Variants in DENND1B observed in about 807,000 individuals in gnomAD.
DENND1B encodes DENN domain-containing protein 1B.
Under a neutral mutation model 90.1 loss-of-function variants are expected in DENND1B, and 59 were observed. The observed-to-expected ratio is 0.65, with a 90% CI of 0.53 to 0.81. The LOEUF (loss-of-function observed/expected upper bound fraction) is 0.81, where lower values mean the gene tolerates loss of function less well. Ranked by LOEUF, DENND1B falls within the 40% of genes least tolerant of loss-of-function variation. DENND1B has a pLI of 0.00. For missense variants in DENND1B, 862 were observed against 912.6 expected, an observed-to-expected ratio of 0.94 and a Z score of 0.71; for synonymous variants, 337 against 324.6, an observed-to-expected ratio of 1.04 and a Z score of -0.41.
chr1:197,599,427 T>C (rs372847151), intron 13 of DENND1B, among the ~76,000 whole-genome samples: 39 of 151,808 alleles, frequency 2.6e-4, no homozygotes, highest in African/African-American at 8.9e-4. Flanking sequence ...TGTTCCAAAA[T>C]AATATTTAGA....
rs573495023 is a variant in DENND1B at position 197,650,950 on chromosome 1, T to C, written c.447+1285A>G. On this transcript the variant is annotated intron_variant, in intron 7 of 22. Coordinates refer to ENST00000620048, the MANE Select transcript of DENND1B (RefSeq NM_001195215.2). ...CTAGAGTGATGGGTGCACCAAAATATCACAAATCACCACTAAAGAACTTAC... is the reference window on the plus strand; with the variant it reads ...CTAGAGTGATGGGTGCACCAAAATACCACAAATCACCACTAAAGAACTTAC... Among the ~76,000 whole-genome samples the C allele has an allele frequency of 3.3e-5, 5 of 152,040 alleles. No homozygotes were observed. The South Asian group carries it at 1.0e-3, about 32-fold the overall frequency.
upstream of DENND1B, chr1:197,775,698 C>T (rs1657227514): frequency 6.6e-6 from 1 of 152,406 alleles, no homozygotes; most frequent in African/African-American, 2.4e-5. Context: ...CCCCCTGTGT[C>T]CTCAGCATGA....
chr1:197,517,295 T>C (rs779073456), intron 20 of DENND1B, among the ~76,000 whole-genome samples: 1 of 151,880 alleles, frequency 6.6e-6, no homozygotes, highest in Non-Finnish European at 1.5e-5. Context: ...AACTATTTGC[T>C]GATGAAAAGA....
At position 197,715,030 on chromosome 1, in the gene DENND1B, C is replaced by A; in HGVS notation, c.126+1G>T. ...TTTTTAAAAAATTATGTGGTACCAA[C>A]CTGGTCTCCAAAGTCCTCTGGGAAT... On this transcript the variant is annotated splice_donor_variant, in intron 3 of 22. Coordinates refer to ENST00000620048, the MANE Select transcript of DENND1B (RefSeq NM_001195215.2). LOFTEE classifies it high-confidence loss of function. 1 of 1,609,760 alleles carries A rather than the reference C, an allele frequency of 6.2e-7. No individual in the cohort carries two copies. Among genetic ancestry groups the A allele is most frequent in the Non-Finnish European group, 8.5e-7 (1 of 1,177,102 alleles).
chr1:197,705,188 A>G (rs1009138493), intron 3 of DENND1B, among the ~76,000 whole-genome samples: 2 of 152,162 alleles, frequency 1.3e-5, no homozygotes, highest in African/African-American at 4.8e-5. Context: ...AGGGTTAAGA[A>G]ATATACACAG....
intron 13 of DENND1B, among the ~76,000 whole-genome samples, chr1:197,605,177 TAAC>T (rs1255035919): frequency 1.3e-5 from 2 of 151,046 alleles, no homozygotes; most frequent in African/African-American, 4.8e-5. Context: ...TATGAGTAAA[TAAC>T]AAGATAGTCT....
chr1:197,650,823 G>A (rs1653065017), intron 7 of DENND1B, among the ~76,000 whole-genome samples: 2 of 152,206 alleles, frequency 1.3e-5, no homozygotes, highest in African/African-American at 4.8e-5. Flanking sequence ...CTATGAGGAC[G>A]CAAAAGCATA....
chr1:197,640,533 T>C (rs1040645950), intron 10 of DENND1B, among the ~76,000 whole-genome samples: 12 of 151,696 alleles, frequency 7.9e-5, no homozygotes, highest in African/African-American at 2.9e-4. Flanking sequence ...TTACTAAACA[T>C]ATATTCTATG....
intron 2 of DENND1B, among the ~76,000 whole-genome samples, chr1:197,762,624 T>G (rs1183000162): frequency 6.6e-6 from 1 of 152,198 alleles, no homozygotes; most frequent in Non-Finnish European, 1.5e-5. Flanking sequence ...ACTTTGGTCC[T>G]CATATTGTAT....
At chr1:197,529,553 ATAGT>A (rs1324522388) in intron 20 of DENND1B, among the ~76,000 whole-genome samples, 1 of 151,868 alleles carries the variant, frequency 6.6e-6, no homozygotes, top group Admixed American at 6.6e-5. Flanking sequence ...GTTCACTAGT[ATAGT>A]TGAGGTGTCT....
intron 15 of DENND1B, among the ~76,000 whole-genome samples, chr1:197,568,050 G>T (rs1165379260): frequency 6.6e-6 from 1 of 151,460 alleles, no homozygotes; most frequent in African/African-American, 2.4e-5. Flanking sequence ...CAGGCAGGGA[G>T]GGAGGGAAGG....
chr1:197,570,888 T>C (rs540629330), intron 15 of DENND1B, among the ~76,000 whole-genome samples: 14 of 152,336 alleles, frequency 9.2e-5, no homozygotes, highest in Middle Eastern at 3.4e-3. Context: ...AAACTGGATA[T>C]ATAGAATGCA....
intron 2 of DENND1B, among the ~76,000 whole-genome samples, chr1:197,716,272 A>G (rs1413940033): frequency 6.6e-6 from 1 of 150,884 alleles, no homozygotes; most frequent in Non-Finnish European, 1.5e-5. Context: ...TTAAATTAAA[A>G]AGAAAAAAGT....
At chr1:197,700,536 T>C (rs1157353929) in intron 3 of DENND1B, among the ~76,000 whole-genome samples, 1 of 152,080 alleles carries the variant, frequency 6.6e-6, no homozygotes, top group Non-Finnish European at 1.5e-5. Flanking sequence ...GCAATATCAT[T>C]CAGGACACAG....
intron 2 of DENND1B, among the ~76,000 whole-genome samples, chr1:197,749,716 T>C (rs575470628): frequency 6.6e-6 from 1 of 152,078 alleles, no homozygotes; most frequent in African/African-American, 2.4e-5. Context: ...AGTAGGTACA[T>C]AAGATTTTTT....
At chr1:197,536,626 A>G (rs1439294956) in intron 20 of DENND1B, among the ~76,000 whole-genome samples, 1 of 152,192 alleles carries the variant, frequency 6.6e-6, no homozygotes, top group African/African-American at 2.4e-5. Context: ...TGTCAAATAC[A>G]TATGTGAATC....
At chr1:197,692,839 C>T (rs975442547) in intron 3 of DENND1B, among the ~76,000 whole-genome samples, 43 of 151,594 alleles carry the variant, frequency 2.8e-4, no homozygotes, top group African/African-American at 9.9e-4. Flanking sequence ...AGATTCTTTT[C>T]TTTCCCTAAA....
At chr1:197,580,274 T>G (rs1363781430) in intron 15 of DENND1B, among the ~76,000 whole-genome samples, 2 of 147,104 alleles carry the variant, frequency 1.4e-5, no homozygotes, top group Admixed American at 1.4e-4. Context: ...TTTTTTTTTT[T>G]TTTTTAGTAG....
intron 6 of DENND1B, among the ~76,000 whole-genome samples, chr1:197,654,140 A>G (rs950800143): frequency 6.6e-6 from 1 of 152,210 alleles, no homozygotes; most frequent in Non-Finnish European, 1.5e-5. Flanking sequence ...AAAACTTGCA[A>G]TTACATTATA....
Sources: allele counts gnomAD v4.1 joint callset (sites outside exome capture counted in the v4.1 genomes callset), GRCh38; gene constraint gnomAD v4.1.1; transcripts MANE v1.5; gene names NCBI Gene and HGNC (gene_info 2026-07-23, HGNC 2026-07-21).